The following SLC25A37 variants were observed in gnomAD, a reference collection of about 807,000 sequenced individuals.
The protein encoded by SLC25A37 is solute carrier family 25 member 37, also known as mitoferrin-1.
In SLC25A37, 17 loss-of-function variants were observed where a neutral mutation model predicts 31.0. The observed-to-expected ratio is 0.55, with a 90% CI of 0.38 to 0.82. The LOEUF is 0.82. SLC25A37 is among the 40% of genes least tolerant of loss of function. The probability of loss-of-function intolerance (pLI) is 0.00; values close to 1 mark genes in which losing one functional copy is unlikely to be tolerated. For missense variants in SLC25A37, 404 were observed against 465.8 expected, an observed-to-expected ratio of 0.87 and a Z score of 1.22; for synonymous variants, 222 against 193.0, an observed-to-expected ratio of 1.15 and a Z score of -1.24.
chr8:23,566,578 G>A (rs1341655587), intron 2 of SLC25A37: 2 of 1,269,352 alleles, frequency 1.6e-6, no homozygotes, highest in African/African-American at 1.6e-5. Flanking sequence ...CAGTGACAGA[G>A]GTGTTTTGGT....
intron 1 of SLC25A37, among the ~76,000 whole-genome samples, chr8:23,548,477 CTTTTTTTT>C (rs143771739): frequency 3.4e-5 from 4 of 116,030 alleles, no homozygotes; most frequent in African/African-American, 7.1e-5. Flanking sequence ...CACGTCCGGG[CTTTTTTTT>C]TTTTTTTTTT....
intron 1 of SLC25A37, among the ~76,000 whole-genome samples, chr8:23,548,226 T>G (rs1802120665): frequency 1.3e-5 from 2 of 152,322 alleles, no homozygotes; most frequent in Middle Eastern, 3.4e-3. Flanking sequence ...GTCACCAGGC[T>G]GGACTGCAGT....
intron 1 of SLC25A37, among the ~76,000 whole-genome samples, chr8:23,550,339 G>T (rs1335513807): frequency 6.6e-6 from 1 of 151,994 alleles, no homozygotes; most frequent in Non-Finnish European, 1.5e-5. Context: ...CAGTGCTGCC[G>T]CCCTCCTTCA....
intron 1 of SLC25A37, among the ~76,000 whole-genome samples, chr8:23,542,765 A>G (rs1213352547): frequency 6.7e-6 from 1 of 150,162 alleles, no homozygotes; most frequent in Admixed American, 6.7e-5. Context: ...CATTGCGATC[A>G]CAGGAGGTGC....
intron 2 of SLC25A37, chr8:23,568,120 G>A (rs1454857885): frequency 3.0e-6 from 2 of 666,052 alleles, no homozygotes; most frequent in South Asian, 1.5e-5. Context: ...GTGGTTGAGT[G>A]TGCCTAAATT....
chr8:23,550,398 A>G (rs987391688), intron 1 of SLC25A37, among the ~76,000 whole-genome samples: 1 of 152,162 alleles, frequency 6.6e-6, no homozygotes, highest in African/African-American at 2.4e-5. Flanking sequence ...ATCACTTGGT[A>G]TAATTATACG....
intron 1 of SLC25A37, among the ~76,000 whole-genome samples, chr8:23,544,137 G>C (rs1052424459): frequency 6.6e-5 from 10 of 152,198 alleles, no homozygotes; most frequent in Admixed American, 1.3e-4. Flanking sequence ...TGGGATTACA[G>C]TTGTGAGTCA....
intron 1 of SLC25A37, among the ~76,000 whole-genome samples, chr8:23,536,859 C>G (rs777690672): frequency 2.6e-5 from 4 of 152,122 alleles, no homozygotes; most frequent in Admixed American, 6.5e-5. Flanking sequence ...GTTCAGGGAC[C>G]TGGATGTCTC....
intron 1 of SLC25A37, among the ~76,000 whole-genome samples, chr8:23,560,749 G>A (rs146968051): frequency 4.5e-4 from 69 of 152,314 alleles, no homozygotes; most frequent in South Asian, 1.7e-3. Flanking sequence ...ACTGAGGTGC[G>A]GTGACTGAGG....
At chr8:23,553,156 C>T (rs1304992256) in intron 1 of SLC25A37, among the ~76,000 whole-genome samples, 2 of 152,208 alleles carry the variant, frequency 1.3e-5, no homozygotes, top group Non-Finnish European at 2.9e-5. Flanking sequence ...TGCAGTGGCT[C>T]ACGCCTGTAA....
Position 23,529,341 on chromosome 8 carries a change from CG to C in SLC25A37, c.210+133del, listed in dbSNP as rs1801614418. ...AGCTCTCCCCAGGACCGCGGCTGGC[CG>C]GGGTCGCCCCAGGAGCAGCTGCGCG... On this transcript the variant is annotated intron_variant, in intron 1 of 3. Coordinates refer to ENST00000519973, the MANE Select transcript of SLC25A37 (RefSeq NM_016612.4). This position sits in a 1 kb window ranked among gnomAD's most constrained non-coding sequence, Gnocchi z 4.1. 3.5e-6 allele frequency: 3 copies of C among 858,320 alleles called. No homozygotes were observed. The highest frequency in any genetic ancestry group is 4.9e-6 in the Non-Finnish European group (3 of 609,456). 53.2% of individuals were successfully genotyped at this position (858,320 alleles called of 1,614,324 possible).
intron 1 of SLC25A37, among the ~76,000 whole-genome samples, chr8:23,554,251 A>C (rs563142447): frequency 1.8e-4 from 27 of 152,300 alleles, no homozygotes; most frequent in African/African-American, 6.0e-4. Flanking sequence ...GAAGGGTTGA[A>C]GGTTCAGGGA....
At chr8:23,551,891 G>A (rs1160983913) in intron 1 of SLC25A37, among the ~76,000 whole-genome samples, 1 of 152,166 alleles carries the variant, frequency 6.6e-6, no homozygotes, top group African/African-American at 2.4e-5. Context: ...GTCAGGATGG[G>A]GTTTTATTTC....
At chr8:23,565,126 C>A (rs1317398883) in intron 1 of SLC25A37, among the ~76,000 whole-genome samples, 1 of 152,148 alleles carries the variant, frequency 6.6e-6, no homozygotes, top group African/African-American at 2.4e-5. Flanking sequence ...TCTCACGAGG[C>A]CTTCAGCTGA....
At chr8:23,547,102 T>C (rs887059863) in intron 1 of SLC25A37, among the ~76,000 whole-genome samples, 1 of 152,182 alleles carries the variant, frequency 6.6e-6, no homozygotes, top group Non-Finnish European at 1.5e-5. Context: ...CATAAGGAAG[T>C]TTCTGAAATT....
At chr8:23,562,533 G>T (rs1802543247) in intron 1 of SLC25A37, among the ~76,000 whole-genome samples, 1 of 152,052 alleles carries the variant, frequency 6.6e-6, no homozygotes, top group Admixed American at 6.6e-5. Context: ...TCATCTTACT[G>T]GTCCTTGGAG....
At chr8:23,562,407 G>T (rs981350172) in intron 1 of SLC25A37, among the ~76,000 whole-genome samples, 1 of 152,200 alleles carries the variant, frequency 6.6e-6, no homozygotes, top group Admixed American at 6.5e-5. Flanking sequence ...CCTATTTAGG[G>T]GTGGTGGGCT....
intron 3 of SLC25A37, among the ~76,000 whole-genome samples, chr8:23,570,406 T>G (rs2942213): frequency 1.3e-4 from 13 of 102,376 alleles, no homozygotes; most frequent in South Asian, 3.1e-4. Flanking sequence ...AGGTAAGCGG[T>G]GGTGGGGGGT....
At chr8:23,537,591 A>C (rs977058937) in intron 1 of SLC25A37, among the ~76,000 whole-genome samples, 25 of 152,186 alleles carry the variant, frequency 1.6e-4, no homozygotes, top group African/African-American at 5.8e-4. Context: ...GGAAATAGAG[A>C]AGAGTAGCAG....
Sources: gnomAD v4.1 joint callset for allele counts (sites outside exome capture counted in the v4.1 genomes callset) on GRCh38, gnomAD v4.1.1 for gene constraint, Gnocchi (gnomAD v3.1) non-coding constraint, MANE v1.5 for transcripts, NCBI Gene and HGNC (gene_info 2026-07-23, HGNC 2026-07-21) for gene names.